Variants in DSCAM observed in about 807,000 individuals in gnomAD.
DSCAM encodes the protein cell adhesion molecule DSCAM.
DSCAM carries 47 observed loss-of-function variants against 217.7 expected under a neutral mutation model. That is an observed-to-expected ratio of 0.22 (90% CI 0.17 to 0.28). The LOEUF (loss-of-function observed/expected upper bound fraction) is 0.28, where lower values mean the gene tolerates loss of function less well. DSCAM is among the 10% of genes least tolerant of loss of function. DSCAM has a pLI of 1.00. For synonymous variants in DSCAM, 1,056 were observed against 1,015.3 expected (o/e 1.04, Z -0.76); for missense variants, 2,080 against 2,618.3 (o/e 0.79, Z 4.49).
intron 3 of DSCAM, among the ~76,000 whole-genome samples, chr21:40,580,745 G>C (rs1262509523): frequency 6.6e-6 from 1 of 152,154 alleles, no homozygotes; most frequent in Admixed American, 6.5e-5. Flanking sequence ...AATGCAGTAA[G>C]TGGAAAACAC....
intron 3 of DSCAM, among the ~76,000 whole-genome samples, chr21:40,506,394 A>C (rs2076210691): frequency 6.6e-6 from 1 of 152,200 alleles, no homozygotes; most frequent in South Asian, 2.1e-4. Context: ...GGAGCCCCGG[A>C]CTCACTGACT....
intron 10 of DSCAM, among the ~76,000 whole-genome samples, chr21:40,282,176 T>C (rs1238551328): frequency 1.3e-5 from 2 of 152,150 alleles, no homozygotes; most frequent in Non-Finnish European, 2.9e-5. Context: ...ACTTTGAAAA[T>C]CAGTAAAGGC....
At chr21:40,070,421 GAAAGAGAAAGAAAGAC>G (rs947051039) in intron 27 of DSCAM, among the ~76,000 whole-genome samples, 2 of 151,740 alleles carry the variant, frequency 1.3e-5, no homozygotes, top group African/African-American at 2.4e-5. Context: ...AAAAGAAAAA[GAAAGAGAAAGAAAGAC>G]AAAGAGAAAG....
intron 15 of DSCAM, among the ~76,000 whole-genome samples, chr21:40,171,912 G>A (rs2090662772): frequency 6.6e-6 from 1 of 152,140 alleles, no homozygotes; most frequent in Admixed American, 6.6e-5. Context: ...CAAAAATTAG[G>A]TATATCCATT....
intron 1 of DSCAM, among the ~76,000 whole-genome samples, chr21:40,759,074 G>A (rs1399126400): frequency 6.6e-6 from 1 of 152,126 alleles, no homozygotes; most frequent in Non-Finnish European, 1.5e-5. Flanking sequence ...TAGTGAGGAG[G>A]CACAAAAAGG....
At chr21:40,821,053 G>GAT (rs2091921065) in intron 1 of DSCAM, among the ~76,000 whole-genome samples, 1 of 142,064 alleles carries the variant, frequency 7.0e-6, no homozygotes, top group Middle Eastern at 3.5e-3. Flanking sequence ...CATATATATA[G>GAT]ATATATATAT....
At chr21:40,709,664 T>C (rs2090756526) in intron 1 of DSCAM, among the ~76,000 whole-genome samples, 1 of 152,228 alleles carries the variant, frequency 6.6e-6, no homozygotes, top group South Asian at 2.1e-4. Context: ...GCAAAGGATA[T>C]GAACTCATCG....
At chr21:40,100,986 T>C (rs1276864490) in intron 20 of DSCAM, among the ~76,000 whole-genome samples, 1 of 152,192 alleles carries the variant, frequency 6.6e-6, no homozygotes, top group East Asian at 1.9e-4. Flanking sequence ...AAGAGTTCCT[T>C]TGTGACCTGT....
At chr21:40,720,864 G>A (rs1179256128) in intron 1 of DSCAM, among the ~76,000 whole-genome samples, 1 of 152,186 alleles carries the variant, frequency 6.6e-6, no homozygotes. Context: ...GTGGAAAGAA[G>A]GAAGTTATAT....
intron 3 of DSCAM, among the ~76,000 whole-genome samples, chr21:40,471,529 T>C (rs998089834): frequency 1.3e-5 from 2 of 152,338 alleles, no homozygotes; most frequent in East Asian, 1.9e-4. Context: ...GATTTAATAA[T>C]GTAATCCTCC....
intron 3 of DSCAM, among the ~76,000 whole-genome samples, chr21:40,671,500 T>G (rs1238723909): frequency 6.6e-6 from 1 of 150,674 alleles, no homozygotes. Flanking sequence ...ATAGTGAAAC[T>G]CCCCCCCCGC....
intron 11 of DSCAM, among the ~76,000 whole-genome samples, chr21:40,203,037 AAGG>A (rs1196171471): frequency 5.9e-5 from 9 of 152,174 alleles, no homozygotes; most frequent in Admixed American, 4.6e-4. Context: ...CAATCCTAGG[AAGG>A]AGGTTTTGTA....
intron 3 of DSCAM, among the ~76,000 whole-genome samples, chr21:40,373,718 T>C (rs554201413): frequency 2.0e-5 from 3 of 152,332 alleles, no homozygotes; most frequent in Non-Finnish European, 4.4e-5. Context: ...TTAAAAGATT[T>C]TCCCTGGTTT....
intron 11 of DSCAM, among the ~76,000 whole-genome samples, chr21:40,244,453 GAAAA>G (rs76692462): frequency 1.0e-5 from 1 of 99,870 alleles, no homozygotes; most frequent in African/African-American, 3.6e-5. Flanking sequence ...TCCGTCTCCG[GAAAA>G]AAAAAAAAAA....
intron 29 of DSCAM, among the ~76,000 whole-genome samples, chr21:40,054,512 C>T (rs573066485): frequency 1.2e-4 from 19 of 152,284 alleles, no homozygotes; most frequent in African/African-American, 4.3e-4. Context: ...ACTGCCTTCC[C>T]GGCAGGAGGC....
At chr21:40,235,513 TC>T (rs2091420672) in intron 11 of DSCAM, among the ~76,000 whole-genome samples, 1 of 152,124 alleles carries the variant, frequency 6.6e-6, no homozygotes, top group Non-Finnish European at 1.5e-5. Context: ...CTGTCCCCCT[TC>T]AGCAAGAGAG....
intron 11 of DSCAM, among the ~76,000 whole-genome samples, chr21:40,268,071 T>C (rs1470861588): frequency 6.6e-6 from 1 of 152,230 alleles, no homozygotes; most frequent in Non-Finnish European, 1.5e-5. Flanking sequence ...CTTCAGCCTT[T>C]GCCCTTGCTA....
intron 1 of DSCAM, among the ~76,000 whole-genome samples, chr21:40,802,226 T>G (rs1393604443): frequency 6.6e-6 from 1 of 152,266 alleles, no homozygotes; most frequent in Non-Finnish European, 1.5e-5. Context: ...TTACAATTAA[T>G]GTCTGCCCTG....
intron 1 of DSCAM, among the ~76,000 whole-genome samples, chr21:40,807,031 C>A (rs964782319): frequency 3.9e-5 from 6 of 152,090 alleles, no homozygotes; most frequent in Admixed American, 2.6e-4. Context: ...ATGGGTGCAG[C>A]AAACCACCAT....
Sources: gnomAD v4.1 joint callset for allele counts (sites outside exome capture counted in the v4.1 genomes callset) on GRCh38, gnomAD v4.1.1 for gene constraint, MANE v1.5 for transcripts, NCBI Gene and HGNC (gene_info 2026-07-23, HGNC 2026-07-21) for gene names.